Variants in GALNTL6 observed in about 807,000 individuals in gnomAD.
GALNTL6 encodes the protein polypeptide N-acetylgalactosaminyltransferase like 6.
A neutral mutation model predicts 73.7 loss-of-function variants in GALNTL6; 46 were observed. The observed-to-expected ratio is 0.62, with a 90% CI of 0.49 to 0.80. The LOEUF is 0.80. GALNTL6 is among the 30% of genes least tolerant of loss of function. The pLI is 0.00. For missense variants in GALNTL6, 604 were observed against 755.0 expected (o/e 0.80, Z 2.34); for synonymous variants, 259 against 263.7 (o/e 0.98, Z 0.17).
intron 2 of GALNTL6, among the ~76,000 whole-genome samples, chr4:172,180,075 GTTCC>G (rs1735187482): frequency 6.6e-6 from 1 of 152,142 alleles, no homozygotes; most frequent in Admixed American, 6.5e-5. Flanking sequence ...GTGTAAAAGT[GTTCC>G]TGTTTCTCCA....
At chr4:172,958,645 G>A (rs116081864) in intron 10 of GALNTL6, among the ~76,000 whole-genome samples, 5,805 of 152,144 alleles carry the variant, frequency 0.038, 243 homozygotes, top group African/African-American at 0.1. Flanking sequence ...GGGAGCGCAC[G>A]TGTGTTTTTA....
chr4:172,063,360 TTA>T (rs1731264310), intron 2 of GALNTL6, among the ~76,000 whole-genome samples: 1 of 152,198 alleles, frequency 6.6e-6, no homozygotes, highest in Non-Finnish European at 1.5e-5. Context: ...CATGGCTGAT[TTA>T]TGTTTTTTCT....
At chr4:172,799,552 A>T (rs1484673210) in intron 5 of GALNTL6, among the ~76,000 whole-genome samples, 1 of 152,144 alleles carries the variant, frequency 6.6e-6, no homozygotes, top group Non-Finnish European at 1.5e-5. Flanking sequence ...TAGTTCTCAA[A>T]ATTTTTGCTG....
At chr4:172,344,106 C>G (rs1741660486) in intron 4 of GALNTL6, among the ~76,000 whole-genome samples, 1 of 152,118 alleles carries the variant, frequency 6.6e-6, no homozygotes, top group African/African-American at 2.4e-5. Flanking sequence ...TGTGAATTTG[C>G]TGTGCATTTG....
At chr4:172,766,231 C>G (rs1326426180) in intron 5 of GALNTL6, among the ~76,000 whole-genome samples, 1 of 152,116 alleles carries the variant, frequency 6.6e-6, no homozygotes, top group Non-Finnish European at 1.5e-5. Context: ...TTACTTTGTA[C>G]AGTGTTGTAA....
chr4:171,934,694 G>A lies in GALNTL6; in HGVS notation c.138+119976G>A, dbSNP rs1738289958. 2.0e-5 allele frequency among the ~76,000 whole-genome samples: 3 copies of A among 152,186 alleles called. No individual in the cohort carries two copies. In the South Asian group the frequency reaches 6.2e-4, roughly 32 times the overall value. The stretch of plus-strand genomic sequence containing the variant: ...GCCTCCCTAACTGTTGGGATTATGG[G>A]CATGAGCCACTGCACCCAGCCAAGA... On this transcript the variant is annotated intron_variant, in intron 2 of 12. Coordinates refer to ENST00000506823, the MANE Select transcript of GALNTL6 (RefSeq NM_001034845.3).
At chr4:172,894,360 T>G (rs573412823) in intron 8 of GALNTL6, among the ~76,000 whole-genome samples, 23 of 152,350 alleles carry the variant, frequency 1.5e-4, no homozygotes, top group African/African-American at 5.3e-4. Context: ...CTCTTAGTAC[T>G]GCTTTTGCTG....
intron 4 of GALNTL6, among the ~76,000 whole-genome samples, chr4:172,344,578 C>T (rs1353070639): frequency 1.3e-5 from 2 of 152,166 alleles, no homozygotes; most frequent in Non-Finnish European, 2.9e-5. Context: ...TATGTAAACA[C>T]GATCCGGTCT....
rs1473419865 is a variant in GALNTL6, at chr4:172,809,871, C to CA, written c.739+329dup. ...TGAACACTAAAAGAAAAACGTGTCCCAAAACTCTTTTATAATCCTGTAGCT... is the reference window on the plus strand; with the variant it reads ...TGAACACTAAAAGAAAAACGTGTCCCAAAAACTCTTTTATAATCCTGTAGCT... On this transcript the variant is annotated intron_variant, in intron 6 of 12. Transcript: ENST00000506823. The surrounding 1 kb of genome is among the most constrained non-coding windows in gnomAD (Gnocchi z 4.4). Among the ~76,000 whole-genome samples, 2 of 151,328 alleles carry CA rather than the reference C, an allele frequency of 1.3e-5. No homozygotes were observed. Among genetic ancestry groups the CA allele is most frequent in the East Asian group, 3.9e-4 (2 of 5,146 alleles).
chr4:171,978,244 G>C (rs1019372353), intron 2 of GALNTL6, among the ~76,000 whole-genome samples: 1 of 148,790 alleles, frequency 6.7e-6, no homozygotes, highest in Non-Finnish European at 1.5e-5. Context: ...TATGTGAGTT[G>C]TTATATATAC....
rs565843728 is a variant in GALNTL6, at chr4:171,988,874, C to T, written c.138+174156C>T. On this transcript the variant is annotated intron_variant, in intron 2 of 12. Coordinates refer to ENST00000506823, the MANE Select transcript of GALNTL6 (RefSeq NM_001034845.3). The stretch of plus-strand genomic sequence containing the variant: ...GAGTAGAGGTGTCTTATACTTGTGG[C>T]TTAAGGTGGGGAGACACAAGGGGAG... Among the ~76,000 whole-genome samples the T allele has an allele frequency of 4.3e-3, 651 of 151,938 alleles. 5 individuals carry two copies. Among genetic ancestry groups the T allele is most frequent in the Non-Finnish European group, 4.8e-3 (328 of 67,992 alleles).
chr4:172,818,115 A>G (rs1029427935), intron 7 of GALNTL6, among the ~76,000 whole-genome samples: 1 of 152,220 alleles, frequency 6.6e-6, no homozygotes, highest in Non-Finnish European at 1.5e-5. Context: ...GGTTCAATAC[A>G]TGTAAATTCA....
At chr4:172,613,502 C>T (rs887447604) in intron 5 of GALNTL6, among the ~76,000 whole-genome samples, 2 of 151,720 alleles carry the variant, frequency 1.3e-5, no homozygotes, top group South Asian at 2.1e-4. Context: ...GGACTTTATT[C>T]GAGATGTCAT....
At chr4:172,171,230 G>T (rs1043197432) in intron 2 of GALNTL6, among the ~76,000 whole-genome samples, 5 of 152,060 alleles carry the variant, frequency 3.3e-5, no homozygotes, top group African/African-American at 1.2e-4. Flanking sequence ...CAAAGTGAAG[G>T]TTATGGCTGA....
chr4:171,868,984 A>G (rs1736058724), intron 2 of GALNTL6, among the ~76,000 whole-genome samples: 1 of 152,142 alleles, frequency 6.6e-6, no homozygotes, highest in Admixed American at 6.5e-5. Flanking sequence ...TCTTGCCTCA[A>G]AATTCTTTTC....
intron 5 of GALNTL6, among the ~76,000 whole-genome samples, chr4:172,585,362 G>A (rs1361524168): frequency 6.6e-6 from 1 of 151,944 alleles, no homozygotes; most frequent in Non-Finnish European, 1.5e-5. Flanking sequence ...TAGGTTTTAT[G>A]CCCCGCATGC....
In GALNTL6 at chr4:171,814,420, C is replaced by G. The variant is rs1158943211; in HGVS notation, c.-161C>G. The G allele has an allele frequency of 7.4e-6, 5 of 674,188 alleles. No homozygotes were observed. The highest frequency in any genetic ancestry group is 1.3e-5 in the Non-Finnish European group (5 of 399,284). 41.8% of individuals were successfully genotyped at this position (674,188 alleles called of 1,614,324 possible). On this transcript the variant is annotated 5_prime_UTR_variant, in exon 2 of 13. Coordinates refer to ENST00000506823, the MANE Select transcript of GALNTL6 (RefSeq NM_001034845.3). ...GTGCGTTTGTTCTGCAGATGGCCAA[C>G]TCCCTCTGAATCCTGCAGATTGGTG...
chr4:172,821,710 T>C (rs1435015983), intron 7 of GALNTL6, among the ~76,000 whole-genome samples: 4 of 152,218 alleles, frequency 2.6e-5, no homozygotes, highest in Non-Finnish European at 2.9e-5. Context: ...GGTGTCCTAA[T>C]CTACAGAAGG....
chr4:172,638,116 G>A (rs558006529), intron 5 of GALNTL6, among the ~76,000 whole-genome samples: 21 of 151,846 alleles, frequency 1.4e-4, no homozygotes, highest in Non-Finnish European at 1.2e-4. Flanking sequence ...TTCACTATTC[G>A]CAGAAGTGAC....
Sources: gnomAD v4.1 joint callset for allele counts (sites outside exome capture counted in the v4.1 genomes callset) on GRCh38, gnomAD v4.1.1 for gene constraint, Gnocchi (gnomAD v3.1) non-coding constraint, MANE v1.5 for transcripts, NCBI Gene and HGNC (gene_info 2026-07-23, HGNC 2026-07-21) for gene names.